The following VWA3B variants were observed in gnomAD, a reference collection of about 807,000 sequenced individuals.
VWA3B encodes the protein von Willebrand factor A domain containing 3B.
A neutral mutation model predicts 158.3 loss-of-function variants in VWA3B; 138 were observed. That is an observed-to-expected ratio of 0.87 (90% CI 0.76 to 1.00). VWA3B has a LOEUF of 1.00. Ranked by LOEUF, VWA3B falls within the 50% of genes least tolerant of loss-of-function variation. The probability of loss-of-function intolerance (pLI) is 0.00; values close to 1 mark genes in which losing one functional copy is unlikely to be tolerated. For missense variants in VWA3B, 1,555 were observed against 1,565.1 expected (o/e 0.99, Z 0.11); for synonymous variants, 596 against 587.3 (o/e 1.01, Z -0.21).
intron 19 of VWA3B, chr2:98,245,419 G>A (rs1009001629): frequency 1.8e-5 from 7 of 386,270 alleles, no homozygotes; most frequent in South Asian, 5.9e-5. Flanking sequence ...TGATCTCCAC[G>A]CAGCCACCAT....
At chr2:98,215,623 T>G (rs1683921166) in intron 13 of VWA3B, among the ~76,000 whole-genome samples, 1 of 149,398 alleles carries the variant, frequency 6.7e-6, no homozygotes, top group South Asian at 2.1e-4. Context: ...GTTCACGCCA[T>G]TCTCCTGCCT....
In VWA3B at chr2:98,187,980, G is replaced by C; in HGVS notation, c.1317G>C (p.Thr439=). The C allele has an allele frequency of 6.2e-7, 1 of 1,610,784 alleles. No homozygotes were observed. The highest frequency in any genetic ancestry group is 8.5e-7 in the Non-Finnish European group (1 of 1,178,372). ...ENESVQTSAE[T]NKKTVHAKYC... is the part of the protein sequence containing the mutation. ...GTCCTTTGTCATCTCCTTAGGAGAC[G>C]AACAAGAAGACAGTCCATGCAAAAT... Residue 439 remains threonine (T), a synonymous_variant, in exon 10 of 28, where the codon ACG becomes ACC. Transcript: ENST00000477737.
intron 7 of VWA3B, among the ~76,000 whole-genome samples, chr2:98,157,340 A>G (rs1438490336): frequency 6.6e-6 from 1 of 152,218 alleles, no homozygotes; most frequent in African/African-American, 2.4e-5. Context: ...GACTGAGAGC[A>G]GCCCCACACT....
In VWA3B at chr2:98,176,351, T is replaced by G. The variant is rs372110447; in HGVS notation, c.1115-4665T>G. On this transcript the variant is annotated intron_variant, in intron 8 of 27. Transcript: ENST00000477737. ...CCTCCCTCATCATCACCACTTAACA[T>G]GTGAATTTCAGGTCACTCAGTCTAA... Among the ~76,000 whole-genome samples, 9 of 134,210 alleles carry G rather than the reference T, an allele frequency of 6.7e-5. No homozygotes were observed. The East Asian group carries it at 1.3e-3, about 20-fold the overall frequency. The allele number at this position is 134,210 out of a possible 152,430, so 88.0% of individuals were successfully genotyped here. A position where few individuals can be genotyped will look rare whatever the true frequency, so the allele number is the denominator to read the frequency against.
At chr2:98,169,205 T>C (rs1679367280) in intron 8 of VWA3B, among the ~76,000 whole-genome samples, 1 of 152,216 alleles carries the variant, frequency 6.6e-6, no homozygotes, top group Admixed American at 6.5e-5. Flanking sequence ...ACATGAAACA[T>C]TCAGCCTGGA....
chr2:98,176,276 C>T (rs1680008446), intron 8 of VWA3B, among the ~76,000 whole-genome samples: 1 of 150,044 alleles, frequency 6.7e-6, no homozygotes, highest in African/African-American at 2.5e-5. Flanking sequence ...TTTCTTCTGT[C>T]CTCCCTTCCC....
the VWA3B span, among the ~76,000 whole-genome samples, chr2:98,326,841 A>G: frequency 6.6e-6 from 1 of 152,176 alleles, no homozygotes; most frequent in African/African-American, 2.4e-5. Context: ...GGAAGGGGCC[A>G]GAAGTCAAGC....
chr2:98,207,319 A>G (rs1256570964), intron 12 of VWA3B: 8 of 488,168 alleles, frequency 1.6e-5, no homozygotes, highest in Admixed American at 6.4e-5. Flanking sequence ...TGAGCTGGGC[A>G]TCTATCTACA....
chr2:98,305,355 A>G (rs1196821666), intron 26 of VWA3B, among the ~76,000 whole-genome samples: 1 of 152,114 alleles, frequency 6.6e-6, no homozygotes, highest in Non-Finnish European at 1.5e-5. Context: ...CATGATGGGT[A>G]ACTATAGGGG....
At chr2:98,163,253 G>A (rs1404436054) in intron 8 of VWA3B, among the ~76,000 whole-genome samples, 2 of 152,148 alleles carry the variant, frequency 1.3e-5, no homozygotes, top group African/African-American at 4.8e-5. Context: ...AAAAACAGAT[G>A]CTTGGGCCGG....
intron 12 of VWA3B, among the ~76,000 whole-genome samples, chr2:98,211,187 A>G (rs909226927): frequency 6.6e-6 from 1 of 152,208 alleles, no homozygotes; most frequent in African/African-American, 2.4e-5. Flanking sequence ...TCCTGTTTGA[A>G]TCAACCACAG....
At chr2:98,152,140 A>G (rs1194301110) in intron 7 of VWA3B, among the ~76,000 whole-genome samples, 1 of 152,208 alleles carries the variant, frequency 6.6e-6, no homozygotes, top group Non-Finnish European at 1.5e-5. Flanking sequence ...GGAAATCAGG[A>G]GTGCCTGTCC....
chr2:98,201,467 T>C (rs1454410950), intron 12 of VWA3B, among the ~76,000 whole-genome samples: 2 of 152,158 alleles, frequency 1.3e-5, no homozygotes. Flanking sequence ...ACCCGTATAG[T>C]GTTTATTTCT....
intron 7 of VWA3B, among the ~76,000 whole-genome samples, chr2:98,153,562 A>T (rs1677813869): frequency 6.6e-6 from 1 of 152,216 alleles, no homozygotes; most frequent in Non-Finnish European, 1.5e-5. Context: ...GACACCTGTG[A>T]TCTCTAATTA....
At chr2:98,262,626 A>G (rs2105850358) in intron 21 of VWA3B, among the ~76,000 whole-genome samples, 1 of 151,924 alleles carries the variant, frequency 6.6e-6, no homozygotes, top group East Asian at 1.9e-4. Context: ...CCAGTATTCA[A>G]TATGTCTGTC....
chr2:98,101,276 G>A (rs1308554424), intron 2 of VWA3B, among the ~76,000 whole-genome samples: 2 of 152,208 alleles, frequency 1.3e-5, no homozygotes, highest in African/African-American at 2.4e-5. Context: ...GAAAATGTGT[G>A]AGGGTATATA....
At chr2:98,166,045 G>T (rs1371124900) in intron 8 of VWA3B, among the ~76,000 whole-genome samples, 1 of 152,086 alleles carries the variant, frequency 6.6e-6, no homozygotes, top group Non-Finnish European at 1.5e-5. Context: ...CTTTAAAAAG[G>T]TAATTAAGGG....
chr2:98,246,420 C>A (rs1425698102), intron 19 of VWA3B, among the ~76,000 whole-genome samples: 2 of 152,006 alleles, frequency 1.3e-5, no homozygotes, highest in Non-Finnish European at 2.9e-5. Context: ...CTCTGTTGCC[C>A]AGGCTGGAGT....
intron 21 of VWA3B, among the ~76,000 whole-genome samples, chr2:98,266,420 C>T (rs201953357): frequency 2.7e-4 from 39 of 147,026 alleles, no homozygotes; most frequent in South Asian, 1.4e-3. Flanking sequence ...TGTTTTGGTA[C>T]GAGTACCATG....
Sources: allele counts gnomAD v4.1 joint callset (sites outside exome capture counted in the v4.1 genomes callset), GRCh38; gene constraint gnomAD v4.1.1; transcripts MANE v1.5; gene names NCBI Gene and HGNC (gene_info 2026-07-23, HGNC 2026-07-21).